The following NBPF8 variants were observed in gnomAD, a reference collection of about 807,000 sequenced individuals.
NBPF8 encodes NBPF member 8.
chr1:120,421,506 CCCTT>C (rs1178373747), intron 1 of NBPF8, among the ~76,000 whole-genome samples: 79 of 149,718 alleles, frequency 5.3e-4, no homozygotes, highest in South Asian at 3.9e-3. Context: ...CTCCCTCCCT[CCCTT>C]CCTTCCTTCC....
At chr1:120,427,972 C>T (rs1197161255) in intron 3 of NBPF8, among the ~76,000 whole-genome samples, 125 bp downstream of exon 3, 1 of 152,176 alleles carries the variant, frequency 6.6e-6, no homozygotes, top group African/African-American at 2.4e-5. Flanking sequence ...CTTTGTATCA[C>T]TTTAAATGAT....
chr1:120,462,328 G>A (rs1159028427), intron 20 of NBPF8, 131 bp downstream of exon 18: 1 of 685,282 alleles, frequency 1.5e-6, no homozygotes, highest in Non-Finnish European at 2.6e-6. Flanking sequence ...CATTGCTGTT[G>A]GTTTTCATTG....
At chr1:120,466,273 C>T (rs1239424193) in exon 25 of NBPF8, 92 of 1,597,176 alleles carry the variant, frequency 5.8e-5, no homozygotes, top group Middle Eastern at 4.6e-4. Context: ...GACCTATAGG[C>T]GCCTGAAGAT....
intron 14 of NBPF8, among the ~76,000 whole-genome samples, 173 bp downstream of exon 12, chr1:120,453,617 G>C (rs1207839179): frequency 5.7e-4 from 86 of 151,764 alleles, no homozygotes; most frequent in Admixed American, 5.5e-3. Flanking sequence ...GTTTCTCTAT[G>C]TGTGCCGAGT....
chr1:120,430,738 G>A (rs1660853171), intron 3 of NBPF8, among the ~76,000 whole-genome samples: 1 of 116,230 alleles, frequency 8.6e-6, no homozygotes, highest in Non-Finnish European at 1.6e-5. Context: ...GGGTAACAGA[G>A]CAAGACTCTG....
chr1:120,452,099 T>C lies in NBPF8; in HGVS notation n.2075-18T>C. 1 of 1,497,748 alleles carries C rather than the reference T, an allele frequency of 6.7e-7. No homozygotes were observed. Among genetic ancestry groups the C allele is most frequent in the South Asian group, 1.1e-5 (1 of 88,994 alleles). The allele number at this position is 1,497,748 out of a possible 1,614,324, so 92.8% of individuals were successfully genotyped here. A position where few individuals can be genotyped will look rare whatever the true frequency, so the allele number is the denominator to read the frequency against. ...CAACCCTTTCCACTCTTAAATTTTC[T>C]CTACCGTCTCACCTTAGGCAATATA... On this transcript the variant is annotated intron_variant and non_coding_transcript_variant, in intron 12 of 24. Transcript: ENST00000583271.
intron 16 of NBPF8, among the ~76,000 whole-genome samples, chr1:120,456,803 G>C (rs1553249730): frequency 2.0e-5 from 3 of 151,444 alleles, no homozygotes; most frequent in Admixed American, 1.3e-4. Context: ...TGATCCTGTC[G>C]TTATGATGTT....
At chr1:120,462,742 T>C in intron 20 of NBPF8, 52 bp from the exon 19 acceptor site, 1 of 228,350 alleles carries the variant, frequency 4.4e-6, no homozygotes, top group Non-Finnish European at 7.8e-6. Context: ...GCTGGGGCTG[T>C]GTGGTTTCTG....
upstream of NBPF8, among the ~76,000 whole-genome samples, chr1:120,419,411 T>A (rs1350876102): frequency 2.6e-5 from 4 of 151,990 alleles, no homozygotes; most frequent in African/African-American, 9.7e-5. Flanking sequence ...AGAATCGAAT[T>A]CTTGTTCACT....
chr1:120,429,074 T>C (rs1660798220), intron 3 of NBPF8, among the ~76,000 whole-genome samples: 1 of 152,186 alleles, frequency 6.6e-6, no homozygotes, highest in Admixed American at 6.5e-5. Flanking sequence ...TTGGGGCTTG[T>C]CCCTTCTAGA....
chr1:120,460,838 A>C (rs1480377769), intron 18 of NBPF8, among the ~76,000 whole-genome samples: 1 of 151,950 alleles, frequency 6.6e-6, no homozygotes, highest in Non-Finnish European at 1.5e-5. Flanking sequence ...AAAGTTGACC[A>C]TACCTCAAAA....
intron 3 of NBPF8, among the ~76,000 whole-genome samples, 64 bp downstream of exon 3, chr1:120,427,911 T>A (rs1660765772): frequency 6.6e-6 from 1 of 151,522 alleles, no homozygotes; most frequent in South Asian, 2.1e-4. Context: ...AGGGCAGAGA[T>A]GGGTCCTTTA....
At chr1:120,431,225 A>G (rs1425521185) in intron 3 of NBPF8, among the ~76,000 whole-genome samples, 1 of 136,708 alleles carries the variant, frequency 7.3e-6, no homozygotes, top group African/African-American at 2.9e-5. Flanking sequence ...GGACATATAT[A>G]TATGTATACA....
At chr1:120,431,493 A>C (rs1660878675), upstream of NBPF8, among the ~76,000 whole-genome samples, 1 of 151,208 alleles carries the variant, frequency 6.6e-6, no homozygotes, top group Non-Finnish European at 1.5e-5. Flanking sequence ...GATACTTCAG[A>C]AAAGAAGATA....
chr1:120,456,151 CTTTTACATT>C (rs1661429902), intron 16 of NBPF8, among the ~76,000 whole-genome samples: 1 of 151,592 alleles, frequency 6.6e-6, no homozygotes, highest in Admixed American at 6.6e-5. Flanking sequence ...GATTTCCATT[CTTTTACATT>C]TGCTGACGAG....
At chr1:120,430,259 A>G (rs1190402692) in intron 3 of NBPF8, among the ~76,000 whole-genome samples, 9 of 122,484 alleles carry the variant, frequency 7.3e-5, no homozygotes, top group African/African-American at 3.0e-4. Context: ...TTATTCACAG[A>G]TAATGACTGT....
intron 11 of NBPF8, among the ~76,000 whole-genome samples, chr1:120,450,377 G>A (rs1225341439): frequency 6.6e-6 from 1 of 151,854 alleles, no homozygotes; most frequent in East Asian, 1.9e-4. Flanking sequence ...GCAGTGCAGT[G>A]TACAGAGCAG....
chr1:120,418,571 G>T, upstream of NBPF8, among the ~76,000 whole-genome samples: 2 of 150,178 alleles, frequency 1.3e-5, no homozygotes, highest in Non-Finnish European at 1.5e-5. Flanking sequence ...TTTTTCTTGA[G>T]ACAGTGTCTC....
chr1:120,421,088 G>T (rs1302685870), intron 1 of NBPF8, among the ~76,000 whole-genome samples: 1 of 150,952 alleles, frequency 6.6e-6, no homozygotes, highest in Non-Finnish European at 1.5e-5. Flanking sequence ...GCGGCCTGGT[G>T]TTCTGGGATC....
Sources: gnomAD v4.1 joint callset for allele counts (sites outside exome capture counted in the v4.1 genomes callset) on GRCh38, gnomAD v4.1.1 for gene constraint, MANE v1.5 for transcripts, NCBI Gene and HGNC (gene_info 2026-07-23, HGNC 2026-07-21) for gene names.